Variants in KCNAB1 observed in about 807,000 individuals in gnomAD.
The protein encoded by KCNAB1 is potassium voltage-gated channel subfamily A regulatory beta subunit 1, also known as voltage-gated potassium channel subunit beta-1.
In KCNAB1, 35 loss-of-function variants were observed where a neutral mutation model predicts 64.6. The ratio of observed to expected loss-of-function variants is 0.54; its 90% CI spans 0.41 to 0.72. The LOEUF is 0.72. KCNAB1 is among the 30% of genes least tolerant of loss of function. KCNAB1 has a pLI of 0.00. For synonymous variants in KCNAB1, 177 were observed against 183.8 expected, an observed-to-expected ratio of 0.96 and a Z score of 0.30; for missense variants, 401 against 512.9, an observed-to-expected ratio of 0.78 and a Z score of 2.11.
At chr3:156,299,273 C>T (rs575196856) in intron 1 of KCNAB1, among the ~76,000 whole-genome samples, 1 of 152,358 alleles carries the variant, frequency 6.6e-6, no homozygotes, top group East Asian at 1.9e-4. Flanking sequence ...GCAGAATTTG[C>T]AGCCCAAGCT....
chr3:156,256,786 G>A (rs893852031), intron 1 of KCNAB1, among the ~76,000 whole-genome samples: 5 of 152,208 alleles, frequency 3.3e-5, no homozygotes, highest in Non-Finnish European at 5.9e-5. Context: ...AGGCTGTCCT[G>A]TGCTTCTTTG....
chr3:156,195,362 C>T (rs767838629), intron 1 of KCNAB1, among the ~76,000 whole-genome samples: 2 of 152,222 alleles, frequency 1.3e-5, no homozygotes, highest in Admixed American at 6.5e-5. Context: ...AATCGCCACA[C>T]TGTCTTCCAC....
chr3:156,181,227 A>G (rs954659479), intron 1 of KCNAB1, among the ~76,000 whole-genome samples: 1 of 152,194 alleles, frequency 6.6e-6, no homozygotes, highest in Non-Finnish European at 1.5e-5. Flanking sequence ...TTTTGAGAGG[A>G]ACAAAATCCA....
At chr3:156,341,216 C>A (rs1001558441) in intron 1 of KCNAB1, among the ~76,000 whole-genome samples, 4 of 152,138 alleles carry the variant, frequency 2.6e-5, no homozygotes, top group Non-Finnish European at 4.4e-5. Flanking sequence ...GAGTACCATA[C>A]CTACATTCAT....
intron 2 of KCNAB1, among the ~76,000 whole-genome samples, chr3:156,440,993 T>C (rs1272327493): frequency 1.3e-5 from 2 of 152,186 alleles, no homozygotes; most frequent in African/African-American, 2.4e-5. Context: ...ACATGAATCA[T>C]TTTATATTCC....
Position 156,508,471 on chromosome 3 carries a change from T to C in KCNAB1, c.659-5893T>C, listed in dbSNP as rs1384147753. 6.6e-6 allele frequency among the ~76,000 whole-genome samples: 1 copy of C among 152,244 alleles called. No individual in the cohort carries two copies. The highest frequency in any genetic ancestry group is 2.4e-5 in the African/African-American group (1 of 41,468). On this transcript the variant is annotated intron_variant, in intron 8 of 13. Transcript: ENST00000490337. The surrounding 1 kb of genome is among the most constrained non-coding windows in gnomAD (Gnocchi z 4.1). ...CCAATTTAGAAAATTAAAATATTGA[T>C]CAACCAAAATTGTTTTCACTCAGAA...
chr3:156,282,386 G>A (rs1398743467), intron 1 of KCNAB1, among the ~76,000 whole-genome samples: 2 of 138,968 alleles, frequency 1.4e-5, no homozygotes, highest in Non-Finnish European at 3.1e-5. Context: ...TTACTTCCAA[G>A]TATGTGGTCA....
chr3:156,185,409 C>G (rs144920888), intron 1 of KCNAB1, among the ~76,000 whole-genome samples: 125 of 152,340 alleles, frequency 8.2e-4, no homozygotes, highest in Admixed American at 3.3e-3. Context: ...GGAGGCACAA[C>G]TTTACCTCTA....
At chr3:156,149,674 C>T (rs76357659) in intron 1 of KCNAB1, among the ~76,000 whole-genome samples, 236 of 152,294 alleles carry the variant, frequency 1.5e-3, no homozygotes, top group African/African-American at 5.5e-3. Flanking sequence ...AACCCTACTT[C>T]AAAGGGTAAC....
chr3:156,465,294 C>G (rs1477914832), intron 6 of KCNAB1, among the ~76,000 whole-genome samples: 1 of 152,144 alleles, frequency 6.6e-6, no homozygotes, highest in East Asian at 1.9e-4. Context: ...ACTCACAAAC[C>G]TATGTCAAGC....
intron 8 of KCNAB1, among the ~76,000 whole-genome samples, chr3:156,489,606 A>G (rs1231150578): frequency 6.6e-6 from 1 of 152,176 alleles, no homozygotes; most frequent in Non-Finnish European, 1.5e-5. Context: ...AACATCTGGA[A>G]TTAGCAGGAC....
intron 1 of KCNAB1, among the ~76,000 whole-genome samples, chr3:156,312,703 CAAAAAAAAAAAAAAA>C (rs397991453): frequency 7.3e-5 from 2 of 27,424 alleles, no homozygotes; most frequent in South Asian, 2.3e-3. Context: ...AGACTGTCTC[CAAAAAAAAAAAAAAA>C]AAAAAAAAAA....
At chr3:156,377,202 G>T (rs568057771) in intron 1 of KCNAB1, among the ~76,000 whole-genome samples, 1 of 151,932 alleles carries the variant, frequency 6.6e-6, no homozygotes, top group Non-Finnish European at 1.5e-5. Context: ...CATTCTCTTC[G>T]CATCTGAAAA....
chr3:156,339,177 G>A (rs770397944), intron 1 of KCNAB1, among the ~76,000 whole-genome samples: 3 of 152,174 alleles, frequency 2.0e-5, no homozygotes, highest in Non-Finnish European at 2.9e-5. Context: ...AGGAATGCAT[G>A]TGTAGTCCAG....
intron 1 of KCNAB1, among the ~76,000 whole-genome samples, chr3:156,336,795 G>C (rs1052640148): frequency 6.6e-6 from 1 of 152,248 alleles, no homozygotes; most frequent in African/African-American, 2.4e-5. Flanking sequence ...CAGTTGTGGA[G>C]TTTGGTGAGT....
At chr3:156,313,942 C>T (rs1051841271) in intron 1 of KCNAB1, among the ~76,000 whole-genome samples, 1 of 152,210 alleles carries the variant, frequency 6.6e-6, no homozygotes, top group Non-Finnish European at 1.5e-5. Flanking sequence ...GATTTAAGCT[C>T]AAAGCCCCCC....
intron 1 of KCNAB1, among the ~76,000 whole-genome samples, chr3:156,331,415 C>A (rs1723320471): frequency 6.6e-6 from 1 of 152,068 alleles, no homozygotes; most frequent in South Asian, 2.1e-4. Context: ...ACAGAAGATT[C>A]TAACAGTGCA....
intron 1 of KCNAB1, among the ~76,000 whole-genome samples, chr3:156,391,924 A>G (rs1469784456): frequency 3.3e-5 from 5 of 152,220 alleles, no homozygotes; most frequent in Non-Finnish European, 7.4e-5. Flanking sequence ...AAACTTATGG[A>G]TCATTAAAAG....
intron 1 of KCNAB1, among the ~76,000 whole-genome samples, chr3:156,155,950 A>T (rs1294002478): frequency 6.6e-6 from 1 of 152,134 alleles, no homozygotes; most frequent in Non-Finnish European, 1.5e-5. Flanking sequence ...GATAGTGCTT[A>T]TTTCTCTCAG....
Sources: allele counts gnomAD v4.1 joint callset (sites outside exome capture counted in the v4.1 genomes callset), GRCh38; gene constraint gnomAD v4.1.1; non-coding constraint Gnocchi (gnomAD v3.1); transcripts MANE v1.5; gene names NCBI Gene and HGNC (gene_info 2026-07-23, HGNC 2026-07-21).